Variants in PPEF1 observed in about 807,000 individuals in gnomAD.
The protein encoded by PPEF1 is serine/threonine-protein phosphatase with EF-hands 1.
A neutral mutation model predicts 53.3 loss-of-function variants in PPEF1; 12 were observed. That is an observed-to-expected ratio of 0.23 (90% CI 0.14 to 0.36). The LOEUF is 0.36. Ranked by LOEUF, PPEF1 falls within the 10% of genes least tolerant of loss-of-function variation. The probability of loss-of-function intolerance (pLI) is 1.00; values close to 1 mark genes in which losing one functional copy is unlikely to be tolerated. For synonymous variants in PPEF1, 165 were observed against 176.7 expected, an observed-to-expected ratio of 0.93 and a Z score of 0.52; for missense variants, 334 against 490.4, an observed-to-expected ratio of 0.68 and a Z score of 3.01.
At chrX:18,754,702 A>G (rs762804793) in intron 4 of PPEF1, among the ~76,000 whole-genome samples, 43 of 111,623 alleles carry the variant, frequency 3.9e-4, no homozygotes, top group African/African-American at 1.3e-3. Context: ...GGCTCAAGCA[A>G]TCCTCCCCCC....
In PPEF1 at chrX:18,789,200, C is replaced by G; in HGVS notation, c.992C>G (p.Thr331Ser). 1 of 1,210,129 alleles carries G rather than the reference C, an allele frequency of 8.3e-7. No individual in the cohort carries two copies. Among genetic ancestry groups the G allele is most frequent in the Non-Finnish European group, 1.1e-6 (1 of 893,832 alleles). Residue 331 changes from threonine (T) to serine (S), a missense_variant, in exon 10 of 16, where the codon ACT (threonine) becomes AGT (serine). By Grantham distance (58) the Thr-to-Ser change is moderately conservative. Transcript: ENST00000470157. ...TCGAAGCACAATAAAGTAGGTGTGA[C>G]TTTTAATGCACATGGAAGAATCAAA... ...TDSKHNKVGVTFNAHGRIKTN... is the reference protein window; with the variant it reads ...TDSKHNKVGVSFNAHGRIKTN...
At chrX:18,740,136 A>G (rs1485706096) in intron 3 of PPEF1, among the ~76,000 whole-genome samples, 2 of 111,959 alleles carry the variant, frequency 1.8e-5, no homozygotes, top group Non-Finnish European at 3.8e-5. Context: ...GGCTGCACCC[A>G]CTGTCCAATA....
At chrX:18,745,510 A>C (rs898206587) in intron 3 of PPEF1, among the ~76,000 whole-genome samples, 1 of 109,710 alleles carries the variant, frequency 9.1e-6, no homozygotes, top group Non-Finnish European at 1.9e-5. Context: ...GGAGTTTTTC[A>C]ATTGATTTTC....
At chrX:18,715,361 G>A (rs2044430280) in intron 1 of PPEF1, among the ~76,000 whole-genome samples, 1 of 111,275 alleles carries the variant, frequency 9.0e-6, no homozygotes, top group Non-Finnish European at 1.9e-5. Context: ...GTGAGACACT[G>A]TCTCTACTAA....
At chrX:18,796,382 G>A (rs986840512) in intron 10 of PPEF1, among the ~76,000 whole-genome samples, 2 of 112,475 alleles carry the variant, frequency 1.8e-5, no homozygotes, top group Admixed American at 9.4e-5. Context: ...ATGGACTAAC[G>A]CTTAATGATA....
intron 3 of PPEF1, among the ~76,000 whole-genome samples, chrX:18,686,415 C>T (rs11795538): frequency 0.41 from 45,357 of 110,356 alleles, 7,050 homozygotes; most frequent in Non-Finnish European, 0.49. Context: ...CCAGGTACCC[C>T]GAGATTCACT....
chrX:18,810,709 C>T (rs2046788481), intron 12 of PPEF1, among the ~76,000 whole-genome samples: 1 of 112,413 alleles, frequency 8.9e-6, no homozygotes, highest in Non-Finnish European at 1.9e-5. Flanking sequence ...ATCAGTACTT[C>T]ATTCCTTCTT....
intron 13 of PPEF1, among the ~76,000 whole-genome samples, chrX:18,821,294 G>C (rs2047038863): frequency 9.1e-6 from 1 of 110,099 alleles, no homozygotes; most frequent in Non-Finnish European, 1.9e-5. Flanking sequence ...TGCTGAAACT[G>C]AATGACAATG....
At position 18,810,076 on chromosome X, in the gene PPEF1, CTGTGTGTGTG is replaced by C. The variant is rs199559695; in HGVS notation, c.1394+3556_1394+3565del. On this transcript the variant is annotated intron_variant, in intron 12 of 15. Coordinates refer to ENST00000470157, the MANE Select transcript of PPEF1 (RefSeq NM_001377996.1). ...TGTCAATAAAGCTGGAAAAAATCCT[CTGTGTGTGTG>C]TGTGTGTGTGTGTGTGTGTGTGTGG... Among the ~76,000 whole-genome samples, 387 of 99,475 alleles carry C rather than the reference CTGTGTGTGTG, an allele frequency of 3.9e-3. 3 individuals are homozygous for C. Among genetic ancestry groups the C allele is most frequent in the Admixed American group, 6.0e-3 (53 of 8,806 alleles). 86.4% of individuals were successfully genotyped at this position (99,475 alleles called of 115,157 possible).
chrX:18,739,060 G>A (rs957598314), intron 3 of PPEF1, among the ~76,000 whole-genome samples: 1 of 111,855 alleles, frequency 8.9e-6, no homozygotes, highest in Admixed American at 9.6e-5. Flanking sequence ...ACTTCTTTGC[G>A]ATGGGTTCGA....
chrX:18,712,957 G>A (rs190636128), intron 1 of PPEF1, among the ~76,000 whole-genome samples: 13 of 111,785 alleles, frequency 1.2e-4, no homozygotes, highest in African/African-American at 2.9e-4. Context: ...AGCCAACTTC[G>A]CATTCCTAGG....
At chrX:18,719,912 T>C (rs1231822228) in intron 1 of PPEF1, among the ~76,000 whole-genome samples, 1 of 111,916 alleles carries the variant, frequency 8.9e-6, no homozygotes, top group Admixed American at 9.5e-5. Context: ...TGTTTATTAA[T>C]TGTAAAGAGG....
upstream of PPEF1, among the ~76,000 whole-genome samples, chrX:18,703,992 C>T (rs2044142388): frequency 9.7e-6 from 1 of 103,155 alleles, no homozygotes; most frequent in Non-Finnish European, 2.0e-5. Context: ...GGTGTGATCA[C>T]GGCTCGCTGC....
At chrX:18,716,531 C>CAA (rs34160021) in intron 1 of PPEF1, among the ~76,000 whole-genome samples, 1,282 of 44,517 alleles carry the variant, frequency 0.029, 45 homozygotes, top group South Asian at 0.15. Flanking sequence ...GACACCATCT[C>CAA]AAAAAAAAAA....
intron 6 of PPEF1, 28 bp from the exon 7 acceptor site, chrX:18,778,982 T>G: frequency 8.7e-7 from 1 of 1,151,478 alleles, no homozygotes. Context: ...TTTAATTCCT[T>G]GTTTTTTCCC....
intron 1 of PPEF1, among the ~76,000 whole-genome samples, chrX:18,728,894 G>A (rs1316715335): frequency 8.9e-6 from 1 of 111,862 alleles, no homozygotes; most frequent in South Asian, 3.7e-4. Context: ...TGGGAAAAAC[G>A]ATAGCATGAA....
At chrX:18,809,781 C>A (rs1263544433) in intron 12 of PPEF1, among the ~76,000 whole-genome samples, 1 of 110,543 alleles carries the variant, frequency 9.0e-6, no homozygotes, top group Non-Finnish European at 1.9e-5. Flanking sequence ...GAATATTATT[C>A]CAACATAAAA....
At chrX:18,777,236 T>A (rs2045984444) in intron 6 of PPEF1, among the ~76,000 whole-genome samples, 1 of 112,326 alleles carries the variant, frequency 8.9e-6, no homozygotes, top group Non-Finnish European at 1.9e-5. Context: ...GAAATTGCCT[T>A]CAGAACATGT....
rs143176247 is a variant in PPEF1, at chrX:18,770,901, T to G, written c.559-8109T>G. ...GTTTCATAAAATGAGTTGGAGAGAT[T>G]TTCATCTTTTTCTCTTACTTATAAT... is the stretch of plus-strand genomic sequence containing the variant. On this transcript the variant is annotated intron_variant, in intron 6 of 15. Transcript: ENST00000470157. Among the ~76,000 whole-genome samples, 1,003 of 112,677 alleles carry G rather than the reference T, an allele frequency of 8.9e-3. 13 individuals are homozygous for G. The highest frequency in any genetic ancestry group is 0.03 in the African/African-American group (940 of 31,048).
Sources: allele counts gnomAD v4.1 joint callset (sites outside exome capture counted in the v4.1 genomes callset), GRCh38; gene constraint gnomAD v4.1.1; transcripts MANE v1.5; gene names NCBI Gene and HGNC (gene_info 2026-07-23, HGNC 2026-07-21).